The following GALNT10 variants were observed in gnomAD, a reference collection of about 807,000 sequenced individuals.
GALNT10 encodes the protein GalNAc transferase 10.
Under a neutral mutation model 75.0 loss-of-function variants are expected in GALNT10, and 41 were observed. The ratio of observed to expected loss-of-function variants is 0.55; its 90% CI spans 0.43 to 0.71. GALNT10 has a LOEUF of 0.71. Among genes scored for constraint, GALNT10 ranks in the 30% least tolerant of loss-of-function variants. The pLI, the probability that GALNT10 is intolerant of heterozygous loss-of-function variation, is 0.00. For missense variants in GALNT10, 727 were observed against 818.5 expected, an observed-to-expected ratio of 0.89 and a Z score of 1.36; for synonymous variants, 302 against 313.0, an observed-to-expected ratio of 0.96 and a Z score of 0.37.
intron 1 of GALNT10, among the ~76,000 whole-genome samples, chr5:154,239,038 G>A (rs1753292076): frequency 6.6e-6 from 1 of 152,112 alleles, no homozygotes; most frequent in Non-Finnish European, 1.5e-5. Context: ...TAGCCATATA[G>A]CTCCAGAGCC....
intron 4 of GALNT10, among the ~76,000 whole-genome samples, chr5:154,330,514 C>T (rs1434984335): frequency 6.6e-6 from 1 of 152,084 alleles, no homozygotes; most frequent in African/African-American, 2.4e-5. Flanking sequence ...ATGTGGTGAC[C>T]GAACCATGTC....
intron 1 of GALNT10, among the ~76,000 whole-genome samples, chr5:154,191,648 GC>G (rs764540361): frequency 8.4e-4 from 128 of 152,286 alleles, no homozygotes; most frequent in Non-Finnish European, 1.4e-3. Flanking sequence ...AAAGCTTCAA[GC>G]CCCTGGGGGT....
chr5:154,199,920 A>T (rs568723093), intron 1 of GALNT10, among the ~76,000 whole-genome samples: 1 of 152,314 alleles, frequency 6.6e-6, no homozygotes, highest in East Asian at 1.9e-4. Flanking sequence ...CATGGTGATG[A>T]TTAGATGAAA....
At chr5:154,204,547 C>T (rs562018505) in intron 1 of GALNT10, among the ~76,000 whole-genome samples, 23 of 152,348 alleles carry the variant, frequency 1.5e-4, no homozygotes, top group African/African-American at 5.5e-4. Context: ...CCCTCTGGCT[C>T]ACTGTGTCTC....
intron 1 of GALNT10, among the ~76,000 whole-genome samples, chr5:154,219,072 C>T (rs1042741525): frequency 6.6e-6 from 1 of 152,174 alleles, no homozygotes; most frequent in Non-Finnish European, 1.5e-5. Flanking sequence ...TATGGCTGCT[C>T]AGGCCCTGCT....
At chr5:154,380,159 C>T (rs1214555189) in intron 5 of GALNT10, among the ~76,000 whole-genome samples, 1 of 152,146 alleles carries the variant, frequency 6.6e-6, no homozygotes, top group Admixed American at 6.5e-5. Context: ...GTGTTCAGTC[C>T]TCATAACCTA....
intron 7 of GALNT10, 35 bp from the exon 8 acceptor site, chr5:154,404,069 A>G (rs1346330444): frequency 6.6e-7 from 1 of 1,524,576 alleles, no homozygotes; most frequent in Admixed American, 1.7e-5. Context: ...CTGGAAGCAG[A>G]AACGTCATCC....
At chr5:154,217,344 C>T (rs1752890853) in intron 1 of GALNT10, among the ~76,000 whole-genome samples, 2 of 152,160 alleles carry the variant, frequency 1.3e-5, no homozygotes, top group Admixed American at 6.5e-5. Context: ...CCTGGCAGAT[C>T]ACGCTCCTCT....
At chr5:154,243,954 G>C (rs4958370) in intron 1 of GALNT10, among the ~76,000 whole-genome samples, 1 of 152,044 alleles carries the variant, frequency 6.6e-6, no homozygotes, top group Non-Finnish European at 1.5e-5. Flanking sequence ...TTCTTGGCCA[G>C]AGTCCTCATT....
At chr5:154,302,313 G>A (rs116234419) in intron 3 of GALNT10, among the ~76,000 whole-genome samples, 2,432 of 152,388 alleles carry the variant, frequency 0.016, 30 homozygotes, top group South Asian at 0.036. Context: ...CGTAGCCAGA[G>A]AACGGAAGCG....
At chr5:154,319,333 A>G (rs995098959) in intron 3 of GALNT10, among the ~76,000 whole-genome samples, 5 of 152,366 alleles carry the variant, frequency 3.3e-5, no homozygotes, top group Non-Finnish European at 4.4e-5. Flanking sequence ...CCCACATGTT[A>G]GCGGCAGGAC....
chr5:154,400,602 T>C (rs1278926259), intron 7 of GALNT10, among the ~76,000 whole-genome samples: 1 of 152,172 alleles, frequency 6.6e-6, no homozygotes, highest in Non-Finnish European at 1.5e-5. Flanking sequence ...CAGATGCCCA[T>C]TGCAGGGAGA....
At position 154,417,640 on chromosome 5, in the gene GALNT10, C is replaced by T. The variant is rs761556307; in HGVS notation, c.*668C>T. 2.0e-5 allele frequency: 3 copies of T among 152,308 alleles called. No homozygotes were observed. The highest frequency in any genetic ancestry group is 4.4e-5 in the Non-Finnish European group (3 of 68,180). The allele number at this position is 152,308 out of a possible 1,614,324, so 9.4% of individuals were successfully genotyped here. A position where few individuals can be genotyped will look rare whatever the true frequency, so the allele number is the denominator to read the frequency against. On this transcript the variant is annotated 3_prime_UTR_variant, in exon 12 of 12. Coordinates refer to ENST00000297107, the MANE Select transcript of GALNT10 (RefSeq NM_198321.4). ...AGTCAGAAGAGGGAGCCCCCCTAGA[C>T]ATTTCTTTGCAGCTATGGACATGCG...
intron 7 of GALNT10, among the ~76,000 whole-genome samples, chr5:154,395,077 G>T (rs1013334285): frequency 6.6e-6 from 1 of 152,240 alleles, no homozygotes; most frequent in African/African-American, 2.4e-5. Flanking sequence ...TCGCCTGTGT[G>T]TATGTTACTC....
chr5:154,287,191 C>T (rs993402687), intron 1 of GALNT10, among the ~76,000 whole-genome samples: 125 of 152,314 alleles, frequency 8.2e-4, no homozygotes, highest in Non-Finnish European at 5.9e-5. Context: ...TCAGCCTGTT[C>T]CTTGCTCAAA....
intron 6 of GALNT10, 125 bp from the exon 7 acceptor site, chr5:154,386,188 A>G (rs2113185141): frequency 1.5e-6 from 1 of 669,216 alleles, no homozygotes; most frequent in South Asian, 2.0e-5. Flanking sequence ...TCCCTGGAAG[A>G]CACTTGGACT....
chr5:154,370,083 T>A (rs969155391), intron 4 of GALNT10, among the ~76,000 whole-genome samples: 1 of 152,242 alleles, frequency 6.6e-6, no homozygotes, highest in Admixed American at 6.5e-5. Flanking sequence ...GCAAACTATA[T>A]CTGAGTCCTA....
chr5:154,198,630 C>T (rs6865687), intron 1 of GALNT10, among the ~76,000 whole-genome samples: 10,141 of 152,242 alleles, frequency 0.067, 689 homozygotes, highest in African/African-American at 0.17. Flanking sequence ...CCTGAAACTT[C>T]GGAATGCGAA....
intron 4 of GALNT10, among the ~76,000 whole-genome samples, chr5:154,345,780 C>A (rs1755112223): frequency 6.7e-6 from 1 of 150,040 alleles, no homozygotes; most frequent in Non-Finnish European, 1.5e-5. Context: ...GGACTACAGG[C>A]CTGCACCACT....
Sources: gnomAD v4.1 joint callset for allele counts (sites outside exome capture counted in the v4.1 genomes callset) on GRCh38, gnomAD v4.1.1 for gene constraint, MANE v1.5 for transcripts, NCBI Gene and HGNC (gene_info 2026-07-23, HGNC 2026-07-21) for gene names.